Variants in THOC1 observed in about 807,000 individuals in gnomAD.
THOC1 encodes THO complex 1.
In THOC1, 29 loss-of-function variants were observed where a neutral mutation model predicts 97.3. The ratio of observed to expected loss-of-function variants is 0.30; its 90% CI spans 0.22 to 0.41. THOC1 has a LOEUF of 0.41. Among genes scored for constraint, THOC1 ranks in the 10% least tolerant of loss-of-function variants. THOC1 has a pLI of 1.00. For synonymous variants in THOC1, 255 were observed against 257.0 expected, an observed-to-expected ratio of 0.99 and a Z score of 0.07; for missense variants, 529 against 761.9, an observed-to-expected ratio of 0.69 and a Z score of 3.60.
At chr18:236,610 G>T (rs1392292767) in intron 11 of THOC1, among the ~76,000 whole-genome samples, 1 of 151,586 alleles carries the variant, frequency 6.6e-6, no homozygotes, top group East Asian at 1.9e-4. Context: ...TGATCCGCCC[G>T]CCTCGGCCTC....
intron 11 of THOC1, among the ~76,000 whole-genome samples, chr18:232,068 G>A (rs1911502962): frequency 6.6e-6 from 1 of 152,126 alleles, no homozygotes; most frequent in African/African-American, 2.4e-5. Context: ...ATGAATGAGG[G>A]TGGCTGTGTT....
intron 11 of THOC1, among the ~76,000 whole-genome samples, chr18:227,617 C>T (rs1567845230): frequency 1.3e-5 from 2 of 152,008 alleles, no homozygotes; most frequent in Admixed American, 6.6e-5. Flanking sequence ...AGTTCTTCAA[C>T]GACCCTGCCA....
chr18:226,008 CCAT>C (rs1911272099), intron 12 of THOC1: 2 of 152,258 alleles, frequency 1.3e-5, no homozygotes, highest in African/African-American at 2.4e-5. Context: ...TTGCCCAAGG[CCAT>C]AAAGATTTAA....
chr18:220,416 A>G (rs147667118), intron 17 of THOC1, among the ~76,000 whole-genome samples: 3 of 151,294 alleles, frequency 2.0e-5, no homozygotes, highest in East Asian at 1.9e-4. Flanking sequence ...CAAACCACCA[A>G]TGATTCTCAA....
At chr18:266,915 C>T (rs1912788536) in intron 1 of THOC1, among the ~76,000 whole-genome samples, 1 of 151,792 alleles carries the variant, frequency 6.6e-6, no homozygotes, top group Non-Finnish European at 1.5e-5. Flanking sequence ...AAAACGCACA[C>T]AAAGAAAATG....
intron 4 of THOC1, 21 bp downstream of exon 4, chr18:264,005 A>G: frequency 6.3e-6 from 10 of 1,590,770 alleles, no homozygotes; most frequent in Non-Finnish European, 8.6e-6. Context: ...TTTAAACAAA[A>G]CAAAACGGAA....
At chr18:266,359 T>C (rs1912767715) in intron 1 of THOC1, among the ~76,000 whole-genome samples, 6 of 151,938 alleles carry the variant, frequency 3.9e-5, no homozygotes, top group Non-Finnish European at 1.5e-5. Flanking sequence ...AATAAGAGGG[T>C]TTTTGTAGAT....
intron 11 of THOC1, chr18:246,058 AGACAT>A (rs1306859566): frequency 4.3e-6 from 1 of 233,672 alleles, no homozygotes; most frequent in Non-Finnish European, 8.2e-6. Flanking sequence ...TAAAATATAT[AGACAT>A]GAAAGTAATT....
At chr18:222,593 C>CA (rs1237223502) in intron 17 of THOC1, among the ~76,000 whole-genome samples, 1 of 152,074 alleles carries the variant, frequency 6.6e-6, no homozygotes. Context: ...ACCCAGAAAG[C>CA]AATACAGAAG....
intron 9 of THOC1, among the ~76,000 whole-genome samples, chr18:248,492 T>C (rs530849208): frequency 6.6e-6 from 1 of 152,278 alleles, no homozygotes; most frequent in South Asian, 2.1e-4. Flanking sequence ...GCTTCTAGAC[T>C]TCGATATGAG....
In THOC1 at chr18:224,103, TGGTGGGTCCTTTCCC is replaced by T; in HGVS notation, c.1270_1284del (p.Gly424_Thr428del). ...ACCTACTTTCCCATCAGAATTTTTTTGGTGGGTCCTTTCCCTAGGAAGTCCTCGGGTGCTGTTCTC... is the reference window on the plus strand; with the variant it reads ...ACCTACTTTCCCATCAGAATTTTTTTTAGGAAGTCCTCGGGTGCTGTTCTC... On this transcript the variant is annotated inframe_deletion, in exon 16 of 21. Coordinates refer to ENST00000261600, the MANE Select transcript of THOC1 (RefSeq NM_005131.3). 6 of 1,609,108 alleles carry T rather than the reference TGGTGGGTCCTTTCCC, an allele frequency of 3.7e-6. No homozygotes were observed. The highest frequency in any genetic ancestry group is 5.1e-6 in the Non-Finnish European group (6 of 1,177,366).
chr18:232,488 ATTATC>A (rs1009823839), intron 11 of THOC1, among the ~76,000 whole-genome samples: 90 of 151,742 alleles, frequency 5.9e-4, no homozygotes, highest in Middle Eastern at 3.4e-3. Flanking sequence ...GTCACGTAAA[ATTATC>A]TTATCACCCA....
chr18:221,622 T>TC (rs1911081366), intron 17 of THOC1, among the ~76,000 whole-genome samples: 1 of 148,192 alleles, frequency 6.7e-6, no homozygotes, highest in Admixed American at 6.7e-5. Flanking sequence ...TTTTTTTTTT[T>TC]TTTTGAGACG....
intron 9 of THOC1, among the ~76,000 whole-genome samples, chr18:250,933 C>T (rs2143267769): frequency 6.6e-6 from 1 of 152,138 alleles, no homozygotes; most frequent in East Asian, 1.9e-4. Context: ...GCCCCAGAGC[C>T]CTTATGTTGC....
chr18:232,361 G>C (rs1444743702), intron 11 of THOC1, among the ~76,000 whole-genome samples: 1 of 152,102 alleles, frequency 6.6e-6, no homozygotes. Flanking sequence ...GCCTCCCAAA[G>C]TGCTGGGATT....
intron 7 of THOC1, among the ~76,000 whole-genome samples, chr18:257,266 T>C (rs1368072472): frequency 6.6e-6 from 1 of 152,160 alleles, no homozygotes; most frequent in Non-Finnish European, 1.5e-5. Flanking sequence ...TCCAGAACAA[T>C]TCCACAGAAT....
At chr18:244,266 A>T (rs1912011798) in intron 11 of THOC1, 1 of 152,106 alleles carries the variant, frequency 6.6e-6, no homozygotes, top group Non-Finnish European at 1.5e-5. Flanking sequence ...AGTCAATAGT[A>T]AATTTACTGT....
chr18:224,613 A>G (rs1195548904), intron 15 of THOC1, among the ~76,000 whole-genome samples: 1 of 151,982 alleles, frequency 6.6e-6, no homozygotes, highest in East Asian at 1.9e-4. Context: ...TCATATTATG[A>G]TAGAACAATT....
intron 8 of THOC1, among the ~76,000 whole-genome samples, chr18:252,882 AT>A (rs1179428065): frequency 3.3e-5 from 5 of 152,216 alleles, no homozygotes; most frequent in Non-Finnish European, 7.3e-5. Context: ...TAATCAATAG[AT>A]TCCCTCTGGG....
Sources: allele counts gnomAD v4.1 joint callset (sites outside exome capture counted in the v4.1 genomes callset), GRCh38; gene constraint gnomAD v4.1.1; transcripts MANE v1.5; gene names NCBI Gene and HGNC (gene_info 2026-07-23, HGNC 2026-07-21).